SLC25A51: variants seen among roughly 807,000 people sequenced by gnomAD.
SLC25A51 encodes mitochondrial nicotinamide adenine dinucleotide transporter SLC25A51.
In SLC25A51, 11 loss-of-function variants were observed where a neutral mutation model predicts 19.1. The ratio of observed to expected loss-of-function variants is 0.58; its 90% CI spans 0.36 to 0.96. The LOEUF (loss-of-function observed/expected upper bound fraction) is 0.96, where lower values mean the gene tolerates loss of function less well. Ranked by LOEUF, SLC25A51 falls within the 40% of genes least tolerant of loss-of-function variation. SLC25A51 has a pLI of 0.01. For synonymous variants in SLC25A51, 105 were observed against 133.6 expected (o/e 0.79, Z 1.47); for missense variants, 201 against 365.4 (o/e 0.55, Z 3.67).
At chr9:37,879,674 T>C (rs928488108) in exon 4 of SLC25A51, 1 of 152,170 alleles carries the variant, frequency 6.6e-6, no homozygotes, top group Admixed American at 6.5e-5. Context: ...CATGGTGACA[T>C]AGAAGAGCCT....
Position 37,888,528 on chromosome 9 carries a change from T to G in SLC25A51, c.23A>C (p.Glu8Ala). 1 of 1,609,222 alleles carries G rather than the reference T, an allele frequency of 6.2e-7. No homozygotes were observed. ...AGATGTTAGTATTGGTGGCCTCTTT[T>G]CATGAGCTTCTGAATCCATCATGCT... MMDSEAH[E>A]KRPPILTSSK... is the part of the protein sequence containing the mutation. Residue 8 changes from glutamate to alanine, a missense_variant, in exon 3 of 3, where the codon GAA (glutamate) becomes GCA (alanine). Physicochemically the swap from Glu to Ala is moderately radical, Grantham distance 107. Transcript: ENST00000242275.
rs773188045 is a variant in SLC25A51 at position 37,888,036 on chromosome 9, T to C, written c.515A>G (p.Tyr172Cys). 6.2e-7 allele frequency: 1 copy of C among 1,613,180 alleles called. No homozygotes were observed. Among genetic ancestry groups the C allele is most frequent in the East Asian group, 2.2e-5 (1 of 44,884 alleles). ...AAGAATGGGCACCAAGCCTCGATAA[T>C]ACTCTCCAATTCCATGACATTTCAG... ...KALKCHGIGE[Y>C]YRGLVPILFR... Residue 172 changes from tyrosine to cysteine, a missense_variant, in exon 3 of 3, where the codon TAT (tyrosine) becomes TGT (cysteine). Coordinates refer to ENST00000242275, the MANE Select transcript of SLC25A51 (RefSeq NM_033412.4).
intron 2 of SLC25A51, among the ~76,000 whole-genome samples, chr9:37,895,908 G>A (rs1831705137): frequency 6.6e-6 from 1 of 151,322 alleles, no homozygotes; most frequent in Non-Finnish European, 1.5e-5. Context: ...CTGCCTTCCT[G>A]GTTCAAGTGA....
chr9:37,886,243 G>C, downstream of SLC25A51: 1 of 1,606,950 alleles, frequency 6.2e-7, no homozygotes, highest in Non-Finnish European at 8.5e-7. Context: ...CCTTCTCTGA[G>C]GAGAATGTGA....
At chr9:37,892,968 G>A (rs567944141) in intron 2 of SLC25A51, among the ~76,000 whole-genome samples, 32 of 152,216 alleles carry the variant, frequency 2.1e-4, no homozygotes, top group Middle Eastern at 3.4e-3. Flanking sequence ...TTGAACTCCT[G>A]ACCTCAGGTG....
At chr9:37,889,894 TC>T (rs1312170297) in intron 2 of SLC25A51, among the ~76,000 whole-genome samples, 1 of 151,826 alleles carries the variant, frequency 6.6e-6, no homozygotes, top group Non-Finnish European at 1.5e-5. Flanking sequence ...ACAGAATAAT[TC>T]CCACCTTCCA....
At chr9:37,903,622 A>C (rs1463598086) in intron 1 of SLC25A51, 1 of 152,248 alleles carries the variant, frequency 6.6e-6, no homozygotes. Flanking sequence ...GACACTTCAC[A>C]GTCAGGGGTC....
At chr9:37,894,464 T>C (rs967093185) in intron 2 of SLC25A51, among the ~76,000 whole-genome samples, 2 of 151,866 alleles carry the variant, frequency 1.3e-5, no homozygotes, top group African/African-American at 4.8e-5. Flanking sequence ...GTAGCTGGGA[T>C]TACAGGTGCC....
At chr9:37,902,302 CA>C (rs939647706) in intron 1 of SLC25A51, among the ~76,000 whole-genome samples, 1 of 152,156 alleles carries the variant, frequency 6.6e-6, no homozygotes, top group African/African-American at 2.4e-5. Context: ...TGTTATTAAA[CA>C]AGCAGAAAAC....
Position 37,900,102 on chromosome 9 carries a change from T to C in SLC25A51, c.-164-152A>G, listed in dbSNP as rs1361295495. Among the ~76,000 whole-genome samples the C allele has an allele frequency of 4.2e-5, 6 of 142,910 alleles. No individual in the cohort carries two copies. In the East Asian group the frequency reaches 1.4e-3, roughly 34 times the overall value. 93.8% of individuals were successfully genotyped at this position (142,910 alleles called of 152,430 possible). ...TTCCTCCCACCCTGGCCTCCCAAAG[T>C]GTTGGGATGACAGGCATGAGCCACT... On this transcript the variant is annotated intron_variant, in intron 1 of 2. Transcript: ENST00000242275.
rs183170427 is a variant in SLC25A51, at chr9:37,898,278, G to A, written c.-43+1551C>T. Among the ~76,000 whole-genome samples the A allele has an allele frequency of 2.6e-5, 4 of 152,264 alleles. No individual in the cohort carries two copies. The East Asian group carries it at 5.8e-4, about 22-fold the overall frequency. Reference sequence around the variant, plus strand: ...ATACAAAAATTAGCCGGGGGTGGCCGGGTGCGGTGGCTCACGCCTGTAATC... The same window carrying A: ...ATACAAAAATTAGCCGGGGGTGGCCAGGTGCGGTGGCTCACGCCTGTAATC... On this transcript the variant is annotated intron_variant, in intron 2 of 2. Transcript: ENST00000242275.
intron 3 of SLC25A51, among the ~76,000 whole-genome samples, chr9:37,881,273 A>G (rs1012698398): frequency 9.8e-5 from 15 of 152,298 alleles, no homozygotes; most frequent in Non-Finnish European, 2.2e-4. Context: ...GCATGAGGCT[A>G]CTCTATTACA....
At chr9:37,885,727 T>A (rs1831439959), downstream of SLC25A51, 2 of 1,444,612 alleles carry the variant, frequency 1.4e-6, no homozygotes, top group African/African-American at 1.4e-5. Context: ...ATTGTGATGA[T>A]GAAGAACCGC....
rs764179809 is a variant in SLC25A51 at position 37,888,376 on chromosome 9, G to A, written c.175C>T (p.Gln59Ter). Residue 59 changes from glutamine to a stop codon, truncating the protein, a stop_gained, in exon 3 of 3, where the codon CAG becomes TAG. Transcript: ENST00000242275. LOFTEE classifies it high-confidence loss of function. ...TCCCGGGTTTTGATGCCATACAGCT[G>A]TTGTCGAAAGAGGACCTTCTGAATG... ...FPIQKVLFRQ[Q>*]LYGIKTRDAI... The A allele has an allele frequency of 8.1e-6, 13 of 1,614,254 alleles. No individual in the cohort carries two copies. Among genetic ancestry groups the A allele is most frequent in the Non-Finnish European group, 1.0e-5 (12 of 1,180,052 alleles).
At chr9:37,881,121 C>G (rs911162618) in intron 3 of SLC25A51, among the ~76,000 whole-genome samples, 2 of 151,450 alleles carry the variant, frequency 1.3e-5, no homozygotes, top group Non-Finnish European at 2.9e-5. Context: ...CATGCAAATT[C>G]ACAATGTGGC....
intron 2 of SLC25A51, among the ~76,000 whole-genome samples, chr9:37,889,135 A>G (rs1278761893): frequency 6.6e-6 from 1 of 152,230 alleles, no homozygotes; most frequent in Non-Finnish European, 1.5e-5. Context: ...CCTAACACCA[A>G]AAACTTTCAG....
intron 2 of SLC25A51, among the ~76,000 whole-genome samples, chr9:37,897,389 CAGTTTTCTAACT>C (rs1396411220): frequency 6.6e-6 from 1 of 151,946 alleles, no homozygotes; most frequent in African/African-American, 2.4e-5. Flanking sequence ...TTACTTCCAT[CAGTTTTCTAACT>C]AGTTTTCGTT....
chr9:37,885,869 G>A, downstream of SLC25A51: 1 of 1,594,806 alleles, frequency 6.3e-7, no homozygotes, highest in Non-Finnish European at 8.6e-7. Context: ...TGTTCCTGAT[G>A]ACGTGCAAAC....
At chr9:37,901,621 C>T (rs1365179201) in intron 1 of SLC25A51, among the ~76,000 whole-genome samples, 2 of 151,990 alleles carry the variant, frequency 1.3e-5, no homozygotes. Context: ...AGTAAGTGTC[C>T]CAAAATCTTC....
Sources: gnomAD v4.1 joint callset for allele counts (sites outside exome capture counted in the v4.1 genomes callset) on GRCh38, gnomAD v4.1.1 for gene constraint, MANE v1.5 for transcripts, NCBI Gene and HGNC (gene_info 2026-07-23, HGNC 2026-07-21) for gene names.